FNBP1L: variants seen among roughly 807,000 people sequenced by gnomAD.
FNBP1L encodes the protein formin-binding protein 1-like.
FNBP1L carries 36 observed loss-of-function variants against 91.2 expected under a neutral mutation model. That is an observed-to-expected ratio of 0.39 (90% CI 0.30 to 0.52). FNBP1L has a LOEUF of 0.52. FNBP1L is among the 20% of genes least tolerant of loss of function. FNBP1L has a pLI of 0.66. For missense variants in FNBP1L, 571 were observed against 732.1 expected, an observed-to-expected ratio of 0.78 and a Z score of 2.54; for synonymous variants, 242 against 237.0, an observed-to-expected ratio of 1.02 and a Z score of -0.19.
chr1:93,464,003 T>C (rs1668987728), intron 1 of FNBP1L, among the ~76,000 whole-genome samples: 1 of 152,192 alleles, frequency 6.6e-6, no homozygotes, highest in African/African-American at 2.4e-5. Flanking sequence ...TCATGTAGAA[T>C]AGTTTCACTA....
intron 2 of FNBP1L, among the ~76,000 whole-genome samples, chr1:93,512,090 A>G (rs1267138519): frequency 6.6e-6 from 1 of 152,184 alleles, no homozygotes; most frequent in African/African-American, 2.4e-5. Context: ...TACCAAGCAA[A>G]TGGAAAACAA....
chr1:93,507,629 T>C (rs1001970589), intron 2 of FNBP1L, among the ~76,000 whole-genome samples: 3 of 152,098 alleles, frequency 2.0e-5, no homozygotes, highest in South Asian at 2.1e-4. Flanking sequence ...TAAATTCTTA[T>C]TGTATATTTT....
At chr1:93,504,817 A>G (rs536947668) in intron 2 of FNBP1L, among the ~76,000 whole-genome samples, 120 of 152,260 alleles carry the variant, frequency 7.9e-4, no homozygotes, top group African/African-American at 2.8e-3. Flanking sequence ...AGTTCTTTGT[A>G]TATTCTGGAT....
Position 93,487,978 on chromosome 1 carries a change from A to G in FNBP1L, c.25-11490A>G, listed in dbSNP as rs185268605. 2.1e-4 allele frequency among the ~76,000 whole-genome samples: 32 copies of G among 152,308 alleles called. No individual in the cohort carries two copies. The East Asian group carries it at 5.2e-3, about 25-fold the overall frequency. On this transcript the variant is annotated intron_variant, in intron 1 of 16. Coordinates refer to ENST00000271234, the MANE Select transcript of FNBP1L (RefSeq NM_001164473.3). Reference sequence around the variant, plus strand: ...AAGGACATCTCAAATTTAACTGTCTAAAGCCAAAACTTTTTTCTTCCCATT... The same window carrying G: ...AAGGACATCTCAAATTTAACTGTCTGAAGCCAAAACTTTTTTCTTCCCATT...
chr1:93,489,785 G>A (rs1490337686), intron 1 of FNBP1L, among the ~76,000 whole-genome samples: 1 of 152,172 alleles, frequency 6.6e-6, no homozygotes, highest in African/African-American at 2.4e-5. Flanking sequence ...TTTGAGGATA[G>A]ACATGGTTGA....
intron 1 of FNBP1L, among the ~76,000 whole-genome samples, chr1:93,477,981 T>C (rs917803092): frequency 2.6e-5 from 4 of 152,266 alleles, no homozygotes; most frequent in Admixed American, 2.6e-4. Flanking sequence ...AAACTTTATT[T>C]TTTAAAATGT....
At chr1:93,549,155 A>T in intron 14 of FNBP1L, 123 bp from the exon 15 acceptor site, 1 of 665,922 alleles carries the variant, frequency 1.5e-6, no homozygotes, top group Non-Finnish European at 2.3e-6. Context: ...AATAGGGCTT[A>T]AGTGGAAACT....
chr1:93,546,887 A>G lies in FNBP1L; in HGVS notation c.1320A>G (p.Gln440=). 6.2e-7 allele frequency: 1 copy of G among 1,613,076 alleles called. No individual in the cohort carries two copies. Among genetic ancestry groups the G allele is most frequent in the Non-Finnish European group, 8.5e-7 (1 of 1,179,466 alleles). Residue 440 remains glutamine (Q), a synonymous_variant, in exon 13 of 17, where the codon CAA becomes CAG. Transcript: ENST00000271234. Reference sequence around the variant, plus strand: ...AAGATGTATATGAGAAGAATCCACAAATGGGGGATCCAGGGAGTTTGCAGC... The same window carrying G: ...AAGATGTATATGAGAAGAATCCACAGATGGGGGATCCAGGGAGTTTGCAGC... ...KMKDVYEKNP[Q]MGDPGSLQPK...
In FNBP1L at chr1:93,549,301, A is replaced by G. The variant is rs1672331482; in HGVS notation, c.1526A>G (p.Asp509Gly). The stretch of plus-strand genomic sequence containing the variant: ...AGTCCTGAGGGAAGTTACACTGATG[A>G]TGCAAACCAGGAAGTCCGTGGGCCA... ...RESPEGSYTD[D>G]ANQEVRGPPQ... Residue 509 changes from aspartate to glycine, a missense_variant, in exon 15 of 17, where the codon GAT (aspartate) becomes GGT (glycine). Transcript: ENST00000271234. The G allele has an allele frequency of 6.2e-7, 1 of 1,611,752 alleles. No individual in the cohort carries two copies. The highest frequency in any genetic ancestry group is 1.3e-5 in the African/African-American group (1 of 74,764).
At chr1:93,462,484 T>TA (rs983066425) in intron 1 of FNBP1L, among the ~76,000 whole-genome samples, 8 of 152,196 alleles carry the variant, frequency 5.3e-5, no homozygotes, top group Admixed American at 3.9e-4. Flanking sequence ...CCTTAGTTTT[T>TA]ACCTAATACC....
intron 7 of FNBP1L, 117 bp from the exon 8 acceptor site, chr1:93,532,805 A>G: frequency 1.5e-6 from 1 of 672,652 alleles, no homozygotes; most frequent in Non-Finnish European, 2.4e-6. Context: ...GGTATTAACA[A>G]CAGTGTAACT....
intron 1 of FNBP1L, among the ~76,000 whole-genome samples, chr1:93,464,571 T>C (rs1162878512): frequency 6.6e-6 from 1 of 152,208 alleles, no homozygotes; most frequent in Non-Finnish European, 1.5e-5. Context: ...ATTATGTTAA[T>C]TGGTTGTTTG....
At position 93,553,046 on chromosome 1, in the gene FNBP1L, C is replaced by T. The variant is rs892118751; in HGVS notation, c.*630C>T. 2.0e-5 allele frequency: 3 copies of T among 152,334 alleles called. No individual in the cohort carries two copies. Among genetic ancestry groups the T allele is most frequent in the African/African-American group, 7.2e-5 (3 of 41,422 alleles). 9.4% of individuals were successfully genotyped at this position (152,334 alleles called of 1,614,324 possible). A position where few individuals can be genotyped will look rare whatever the true frequency, so the allele number is the denominator to read the frequency against. On this transcript the variant is annotated 3_prime_UTR_variant, in exon 17 of 17. Transcript: ENST00000271234. ...TATAACTTCCCCACTGCAAACATTC[C>T]AGTTTTGGCATTACGAAGAAGTAGC...
At chr1:93,486,969 C>T (rs1455715138) in intron 1 of FNBP1L, among the ~76,000 whole-genome samples, 1 of 152,182 alleles carries the variant, frequency 6.6e-6, no homozygotes, top group East Asian at 1.9e-4. Flanking sequence ...CCTTTCTCTC[C>T]TTTCAAGCAA....
At chr1:93,514,920 G>T (rs1671024922) in intron 2 of FNBP1L, among the ~76,000 whole-genome samples, 1 of 152,152 alleles carries the variant, frequency 6.6e-6, no homozygotes, top group Admixed American at 6.6e-5. Context: ...TGACAAATGG[G>T]ATCGAATTAA....
intron 11 of FNBP1L, 114 bp from the exon 12 acceptor site, chr1:93,543,993 G>A (rs1672133321): frequency 1.5e-6 from 1 of 674,974 alleles, no homozygotes; most frequent in Non-Finnish European, 2.3e-6. Context: ...GTTGCTTGAG[G>A]CAAATTTGAA....
chr1:93,466,209 G>A (rs927566049), intron 1 of FNBP1L, among the ~76,000 whole-genome samples: 1 of 152,118 alleles, frequency 6.6e-6, no homozygotes, highest in Non-Finnish European at 1.5e-5. Context: ...AGTTTAATTA[G>A]ATCCCCTTTG....
At chr1:93,490,482 A>G (rs1266194574) in intron 1 of FNBP1L, among the ~76,000 whole-genome samples, 2 of 152,200 alleles carry the variant, frequency 1.3e-5, no homozygotes, top group Admixed American at 1.3e-4. Flanking sequence ...ATTAGAGCTC[A>G]CCACTGATAC....
At chr1:93,460,580 C>T (rs1446438401) in intron 1 of FNBP1L, among the ~76,000 whole-genome samples, 1 of 152,202 alleles carries the variant, frequency 6.6e-6, no homozygotes, top group Non-Finnish European at 1.5e-5. Flanking sequence ...TTTTCAGGAT[C>T]TCCTGTGGGA....
Sources: gnomAD v4.1 joint callset for allele counts (sites outside exome capture counted in the v4.1 genomes callset) on GRCh38, gnomAD v4.1.1 for gene constraint, MANE v1.5 for transcripts, NCBI Gene and HGNC (gene_info 2026-07-23, HGNC 2026-07-21) for gene names.